Variants in AIG1 observed in about 807,000 individuals in gnomAD.
The protein encoded by AIG1 is androgen induced 1.
Under a neutral mutation model 31.4 loss-of-function variants are expected in AIG1, and 23 were observed. The ratio of observed to expected loss-of-function variants is 0.73; its 90% CI spans 0.53 to 1.04. The LOEUF is 1.04. Among genes scored for constraint, AIG1 ranks in the 50% least tolerant of loss-of-function variants. AIG1 has a pLI of 0.00. For synonymous variants in AIG1, 100 were observed against 110.5 expected (o/e 0.90, Z 0.60); for missense variants, 274 against 295.0 (o/e 0.93, Z 0.52).
intron 3 of AIG1, among the ~76,000 whole-genome samples, chr6:143,190,952 A>G (rs1789737388): frequency 6.6e-6 from 1 of 152,128 alleles, no homozygotes; most frequent in South Asian, 2.1e-4. Context: ...TGATGGATTC[A>G]GTCTGGGATA....
At chr6:143,068,148 C>A (rs1326789028) in intron 1 of AIG1, among the ~76,000 whole-genome samples, 1 of 152,212 alleles carries the variant, frequency 6.6e-6, no homozygotes. Context: ...CACTTCTTTT[C>A]CCATTCCTGC....
At chr6:143,111,631 G>A (rs571747297) in intron 1 of AIG1, among the ~76,000 whole-genome samples, 20 of 152,244 alleles carry the variant, frequency 1.3e-4, no homozygotes, top group Admixed American at 5.2e-4. Flanking sequence ...CTACAAACAC[G>A]TATATCCAAC....
At chr6:143,123,847 A>G (rs1300790392) in intron 1 of AIG1, among the ~76,000 whole-genome samples, 1 of 152,242 alleles carries the variant, frequency 6.6e-6, no homozygotes, top group Non-Finnish European at 1.5e-5. Context: ...AGCATCACAC[A>G]TTACTAATAA....
chr6:143,295,089 T>A (rs1173849598), intron 4 of AIG1, among the ~76,000 whole-genome samples: 1 of 152,132 alleles, frequency 6.6e-6, no homozygotes, highest in Non-Finnish European at 1.5e-5. Context: ...CTGCATCCCC[T>A]TGTCATCATC....
chr6:143,238,031 C>T (rs1793942867), intron 3 of AIG1, among the ~76,000 whole-genome samples: 1 of 152,172 alleles, frequency 6.6e-6, no homozygotes, highest in Non-Finnish European at 1.5e-5. Flanking sequence ...ACCTTTGCCT[C>T]CTGGTTTCAA....
rs1777206910 is a variant in AIG1 at position 143,333,051 on chromosome 6, G to A, written c.516-231G>A. 6.6e-6 allele frequency among the ~76,000 whole-genome samples: 1 copy of A among 152,218 alleles called. No homozygotes were observed. On this transcript the variant is annotated intron_variant, in intron 4 of 5. Transcript: ENST00000357847. The surrounding 1 kb of genome is among the most constrained non-coding windows in gnomAD (Gnocchi z 4.6). Reference sequence around the variant, plus strand: ...ATACAAGATGTTAACATGAGGGGAAGCTGAGTGTGTTGTGCTTCTTCTGTG... The same window carrying A: ...ATACAAGATGTTAACATGAGGGGAAACTGAGTGTGTTGTGCTTCTTCTGTG...
chr6:143,314,475 T>C (rs73777704), intron 4 of AIG1, among the ~76,000 whole-genome samples: 3,572 of 152,184 alleles, frequency 0.023, 145 homozygotes, highest in African/African-American at 0.079. Context: ...TATAAAAATA[T>C]TGAAGAATAC....
intron 1 of AIG1, among the ~76,000 whole-genome samples, chr6:143,083,570 A>G (rs1778488327): frequency 6.6e-6 from 1 of 152,186 alleles, no homozygotes; most frequent in African/African-American, 2.4e-5. Context: ...GGCCTCATTG[A>G]TAATCCTGAG....
intron 2 of AIG1, among the ~76,000 whole-genome samples, chr6:143,148,267 G>A (rs760621970): frequency 2.0e-5 from 3 of 149,976 alleles, no homozygotes; most frequent in Non-Finnish European, 3.0e-5. Context: ...TTGAGAGGCC[G>A]AGGCAGGCAG....
At position 143,325,537 on chromosome 6, in the gene AIG1, C is replaced by T. The variant is rs1330015539; in HGVS notation, c.516-7745C>T. On this transcript the variant is annotated intron_variant, in intron 4 of 5. Coordinates refer to ENST00000357847, the MANE Select transcript of AIG1 (RefSeq NM_016108.4). This position sits in a 1 kb window ranked among gnomAD's most constrained non-coding sequence, Gnocchi z 4.3. ...TCATCCCTTCAAACAGGCTCCCTTA[C>T]AGCATTCCCTCTCTCAGGAAATGGC... 6.6e-6 allele frequency among the ~76,000 whole-genome samples: 1 copy of T among 152,200 alleles called. No individual in the cohort carries two copies. The highest frequency in any genetic ancestry group is 1.5e-5 in the Non-Finnish European group (1 of 68,022).
intron 1 of AIG1, among the ~76,000 whole-genome samples, chr6:143,129,590 TAGAC>T (rs1783034077): frequency 6.6e-6 from 1 of 152,216 alleles, no homozygotes; most frequent in Non-Finnish European, 1.5e-5. Context: ...AAGTGTTGCT[TAGAC>T]TATTACATTT....
chr6:143,093,288 T>C (rs1286743032), intron 1 of AIG1, among the ~76,000 whole-genome samples: 4 of 152,228 alleles, frequency 2.6e-5, no homozygotes, highest in Non-Finnish European at 5.9e-5. Flanking sequence ...ACCTTGCAGT[T>C]TATGTTATGA....
intron 3 of AIG1, among the ~76,000 whole-genome samples, chr6:143,216,993 TAGC>T (rs1227951081): frequency 6.6e-6 from 1 of 152,244 alleles, no homozygotes. Flanking sequence ...TATGACTAGT[TAGC>T]AGCAAAACCA....
intron 3 of AIG1, among the ~76,000 whole-genome samples, chr6:143,253,333 C>T (rs1270894584): frequency 6.6e-6 from 1 of 152,130 alleles, no homozygotes; most frequent in Non-Finnish European, 1.5e-5. Flanking sequence ...GGTTTCTGAC[C>T]TTACCACCTA....
Position 143,079,779 on chromosome 6 carries a change from CTTTTTTT to C in AIG1, c.141+18729_141+18735del, listed in dbSNP as rs78637706. On this transcript the variant is annotated intron_variant, in intron 1 of 5. Transcript: ENST00000357847. ...GTGATTATTTTCTTAGGATAGATTC[CTTTTTTT>C]TTTTTTTTTTTTTTTGCAGTTGCAA... Among the ~76,000 whole-genome samples, 429 of 106,968 alleles carry C rather than the reference CTTTTTTT, an allele frequency of 4.0e-3. 1 individual carries two copies. Among genetic ancestry groups the C allele is most frequent in the Non-Finnish European group, 6.3e-3 (331 of 52,636 alleles). The allele number at this position is 106,968 out of a possible 152,430, so 70.2% of individuals were successfully genotyped here. A position where few individuals can be genotyped will look rare whatever the true frequency, so the allele number is the denominator to read the frequency against.
rs1776950741 is a variant in AIG1, at chr6:143,330,066, G to T, written c.516-3216G>T. 6.6e-6 allele frequency among the ~76,000 whole-genome samples: 1 copy of T among 151,990 alleles called. No individual in the cohort carries two copies. Among genetic ancestry groups the T allele is most frequent in the South Asian group, 2.1e-4 (1 of 4,818 alleles). ...GCGAAGTGCCTGCCATATAGTAATG[G>T]CTCAATAAACAGATGTTGCTGTTTA... is the stretch of plus-strand genomic sequence containing the variant. On this transcript the variant is annotated intron_variant, in intron 4 of 5. Coordinates refer to ENST00000357847, the MANE Select transcript of AIG1 (RefSeq NM_016108.4). The surrounding 1 kb of genome is among the most constrained non-coding windows in gnomAD (Gnocchi z 4.4).
rs183653957 is a variant in AIG1, at chr6:143,135,647, A to C, written c.142-1188A>C. On this transcript the variant is annotated intron_variant, in intron 1 of 5. Transcript: ENST00000357847. ...TAATAGTAAGATTTGATGAACTCCA[A>C]AAAGCCTAGGTTAACAATTTCTGTG... Among the ~76,000 whole-genome samples, 9 of 152,246 alleles carry C rather than the reference A, an allele frequency of 5.9e-5. No individual in the cohort carries two copies. In the East Asian group the frequency reaches 1.7e-3, roughly 29 times the overall value.
At chr6:143,208,080 G>T (rs910588501) in intron 3 of AIG1, among the ~76,000 whole-genome samples, 1 of 152,184 alleles carries the variant, frequency 6.6e-6, no homozygotes, top group African/African-American at 2.4e-5. Context: ...GGAATGCACT[G>T]TAGAGGCTTT....
At chr6:143,230,957 A>G (rs1793402082) in intron 3 of AIG1, among the ~76,000 whole-genome samples, 1 of 152,200 alleles carries the variant, frequency 6.6e-6, no homozygotes, top group Non-Finnish European at 1.5e-5. Flanking sequence ...CTTGAATTAA[A>G]ATGTTGGCTT....
Sources: gnomAD v4.1 joint callset for allele counts (sites outside exome capture counted in the v4.1 genomes callset) on GRCh38, gnomAD v4.1.1 for gene constraint, Gnocchi (gnomAD v3.1) non-coding constraint, MANE v1.5 for transcripts, NCBI Gene and HGNC (gene_info 2026-07-23, HGNC 2026-07-21) for gene names.